Variants in MAGI3 observed in about 807,000 individuals in gnomAD.
MAGI3 encodes the protein membrane associated guanylate kinase, WW and PDZ domain containing 3.
Under a neutral mutation model 121.8 loss-of-function variants are expected in MAGI3, and 43 were observed. The ratio of observed to expected loss-of-function variants is 0.35; its 90% CI spans 0.28 to 0.46. The LOEUF (loss-of-function observed/expected upper bound fraction) is 0.46, where lower values mean the gene tolerates loss of function less well. Among genes scored for constraint, MAGI3 ranks in the 20% least tolerant of loss-of-function variants. The pLI is 1.00. For synonymous variants in MAGI3, 553 were observed against 639.3 expected (o/e 0.86, Z 2.04); for missense variants, 1,547 against 1,797.3 (o/e 0.86, Z 2.52).
At chr1:113,415,667 C>A (rs1247118190) in intron 1 of MAGI3, among the ~76,000 whole-genome samples, 1 of 151,968 alleles carries the variant, frequency 6.6e-6, no homozygotes, top group African/African-American at 2.4e-5. Flanking sequence ...GCAAATCTTA[C>A]AAGTGTGGAC....
intron 1 of MAGI3, among the ~76,000 whole-genome samples, chr1:113,443,943 G>GT (rs1654040478): frequency 1.3e-5 from 2 of 152,184 alleles, no homozygotes; most frequent in South Asian, 4.1e-4. Flanking sequence ...GAGGATTTTG[G>GT]TAAGACGGAG....
At chr1:113,581,275 A>T (rs1266764314) in intron 3 of MAGI3, among the ~76,000 whole-genome samples, 1 of 151,936 alleles carries the variant, frequency 6.6e-6, no homozygotes, top group Non-Finnish European at 1.5e-5. Flanking sequence ...TTGCTTTTTC[A>T]TACTATTATA....
chr1:113,445,328 G>C (rs1654123710), intron 1 of MAGI3, among the ~76,000 whole-genome samples: 1 of 152,172 alleles, frequency 6.6e-6, no homozygotes, highest in Admixed American at 6.5e-5. Flanking sequence ...ACAGCCAGGT[G>C]TGGTGGTTTG....
Position 113,683,427 on chromosome 1 carries a change from G to C in MAGI3, c.3859G>C (p.Ala1287Pro), listed in dbSNP as rs567321137. ...DQCRKSRGRS[A>P]SPKKQQKIEG... ...GTGCAGAAAAAGCAGAGGTCGGTCG[G>C]CCAGCCCAAAAAAGCAGCAAAAAAT... Residue 1287 changes from alanine (A) to proline (P), a missense_variant, in exon 21 of 21, where the codon GCC (alanine) becomes CCC (proline). Transcript: ENST00000307546. The C allele has an allele frequency of 1.3e-5, 21 of 1,613,952 alleles. No homozygotes were observed. In the Admixed American group the frequency reaches 2.8e-4, roughly 22 times the overall value.
intron 2 of MAGI3, among the ~76,000 whole-genome samples, chr1:113,558,037 C>T (rs1660071537): frequency 6.6e-6 from 1 of 152,018 alleles, no homozygotes; most frequent in South Asian, 2.1e-4. Flanking sequence ...GAAGAAAAAC[C>T]ACAAAAACCC....
At position 113,653,878 on chromosome 1, in the gene MAGI3, A is replaced by G. The variant is rs778189605; in HGVS notation, c.2489A>G (p.Asn830Ser). Residue 830 changes from asparagine to serine, a missense_variant, in exon 15 of 21, where the codon AAT (asparagine) becomes AGT (serine). Coordinates refer to ENST00000307546, the MANE Select transcript of MAGI3 (RefSeq NM_001142782.2). ...TCTCAGGCCTTCATTTCAACACAGA[A>G]TGGATCTCCCCGCCTGAACCGGGCA... ...DSSQAFISTQ[N>S]GSPRLNRAEV... The G allele has an allele frequency of 5.6e-6, 9 of 1,613,548 alleles. No individual in the cohort carries two copies. The South Asian group carries it at 9.9e-5, about 18-fold the overall frequency.
intron 1 of MAGI3, among the ~76,000 whole-genome samples, chr1:113,437,864 C>CTTCTTCTTCTTCT (rs1557757106): frequency 2.0e-4 from 11 of 56,000 alleles, no homozygotes; most frequent in South Asian, 8.4e-4. Context: ...CTTCTTCTTC[C>CTTCTTCTTCTTCT]TCTTCTTCTT....
intron 9 of MAGI3, among the ~76,000 whole-genome samples, chr1:113,637,543 T>C (rs1396724350): frequency 6.6e-6 from 1 of 152,260 alleles, no homozygotes; most frequent in South Asian, 2.1e-4. Flanking sequence ...TCTTTAAGAA[T>C]GTTGAATATC....
intron 6 of MAGI3, among the ~76,000 whole-genome samples, chr1:113,611,894 C>G (rs911003379): frequency 2.6e-5 from 4 of 151,914 alleles, no homozygotes; most frequent in African/African-American, 9.7e-5. Flanking sequence ...ACCTCAATGC[C>G]CTTTAATCTA....
At chr1:113,484,067 T>C (rs543144161) in intron 1 of MAGI3, among the ~76,000 whole-genome samples, 2 of 152,186 alleles carry the variant, frequency 1.3e-5, no homozygotes, top group Non-Finnish European at 2.9e-5. Flanking sequence ...TTTTCAGATT[T>C]AGAAATAGCA....
intron 1 of MAGI3, among the ~76,000 whole-genome samples, chr1:113,417,239 A>T (rs562996161): frequency 5.3e-4 from 81 of 152,240 alleles, no homozygotes; most frequent in Admixed American, 1.0e-3. Context: ...AATCCCCCAT[A>T]AAATTCCCTG....
chr1:113,450,453 G>T, intron 1 of MAGI3: 1 of 1,113,044 alleles, frequency 9.0e-7, no homozygotes, highest in Non-Finnish European at 1.4e-6. Flanking sequence ...AGTAGTAGAG[G>T]GGGCTATGGT....
intron 2 of MAGI3, among the ~76,000 whole-genome samples, chr1:113,576,510 G>A (rs757100090): frequency 1.6e-4 from 24 of 152,108 alleles, no homozygotes; most frequent in Admixed American, 2.6e-4. Context: ...CAGTCCCAAC[G>A]AGATTATCTG....
intron 2 of MAGI3, among the ~76,000 whole-genome samples, chr1:113,573,910 C>T (rs1007639833): frequency 6.6e-6 from 1 of 151,996 alleles, no homozygotes. Context: ...GGATAGTTAG[C>T]TCTTGTTGCA....
intron 1 of MAGI3, among the ~76,000 whole-genome samples, chr1:113,458,602 T>C (rs1570705449): frequency 2.0e-5 from 3 of 151,940 alleles, no homozygotes; most frequent in Non-Finnish European, 2.9e-5. Flanking sequence ...CCTTGAACTC[T>C]TGGGCTCAAG....
intron 1 of MAGI3, among the ~76,000 whole-genome samples, chr1:113,519,976 A>G (rs777695943): frequency 3.2e-4 from 49 of 152,156 alleles, no homozygotes; most frequent in Non-Finnish European, 3.5e-4. Flanking sequence ...GCCCTGTTTT[A>G]TTGTCTTTTC....
At chr1:113,461,159 A>G (rs1471403555) in intron 1 of MAGI3, among the ~76,000 whole-genome samples, 1 of 152,248 alleles carries the variant, frequency 6.6e-6, no homozygotes, top group Non-Finnish European at 1.5e-5. Context: ...TATATTGCCT[A>G]AAGCAATGTA....
Position 113,622,872 on chromosome 1 carries a change from T to C in MAGI3, c.1238T>C (p.Leu413Pro). ...QLKGVLVRAS[L>P]KKSTMGFGFT... ...AAAGGTGTCCTTGTTCGAGCATCACTGAAAAAAAGCACAATGGGATTTGGT... is the reference window on the plus strand; with the variant it reads ...AAAGGTGTCCTTGTTCGAGCATCACCGAAAAAAAGCACAATGGGATTTGGT... The change falls in exon 9 of 21, where the codon CTG (leucine) becomes CCG (proline). Residue 413 changes from leucine to proline, a missense_variant. Leu to Pro is a moderately conservative substitution (Grantham distance 98). Transcript: ENST00000307546. 3.1e-6 allele frequency: 5 copies of C among 1,601,176 alleles called. No homozygotes were observed. Among genetic ancestry groups the C allele is most frequent in the Non-Finnish European group, 4.3e-6 (5 of 1,175,276 alleles).
At chr1:113,450,527 G>A in intron 1 of MAGI3, 2 of 1,014,180 alleles carry the variant, frequency 2.0e-6, no homozygotes, top group East Asian at 2.4e-5. Context: ...AGGATATGAT[G>A]GTTACAATGA....
Sources: gnomAD v4.1 joint callset for allele counts (sites outside exome capture counted in the v4.1 genomes callset) on GRCh38, gnomAD v4.1.1 for gene constraint, MANE v1.5 for transcripts, NCBI Gene and HGNC (gene_info 2026-07-23, HGNC 2026-07-21) for gene names.